Variants in EXOC4 observed in about 807,000 individuals in gnomAD.
The protein encoded by EXOC4 is exocyst complex component 4.
EXOC4 carries 71 observed loss-of-function variants against 107.2 expected under a neutral mutation model. That is an observed-to-expected ratio of 0.66 (90% CI 0.55 to 0.81). EXOC4 has a LOEUF of 0.81. EXOC4 is among the 30% of genes least tolerant of loss of function. The pLI, the probability that EXOC4 is intolerant of heterozygous loss-of-function variation, is 0.00. For missense variants in EXOC4, 1,108 were observed against 1,189.6 expected (o/e 0.93, Z 1.01); for synonymous variants, 456 against 441.2 (o/e 1.03, Z -0.42).
chr7:133,969,815 G>A (rs1413669346), intron 14 of EXOC4, among the ~76,000 whole-genome samples: 1 of 152,208 alleles, frequency 6.6e-6, no homozygotes, highest in Non-Finnish European at 1.5e-5. Flanking sequence ...AGACACGGGG[G>A]TCAGGGACTC....
At chr7:133,281,238 C>G (rs1185752018) in intron 2 of EXOC4, among the ~76,000 whole-genome samples, 2 of 151,748 alleles carry the variant, frequency 1.3e-5, no homozygotes, top group African/African-American at 2.4e-5. Flanking sequence ...TGCTTTCTAA[C>G]TAACCTGCAC....
chr7:133,843,655 C>CT (rs200637186), intron 11 of EXOC4, among the ~76,000 whole-genome samples: 74 of 151,212 alleles, frequency 4.9e-4, no homozygotes, highest in African/African-American at 8.5e-4. Context: ...GATGCCTTTT[C>CT]TTTTTTTTTG....
chr7:134,010,945 A>AT (rs145972239), intron 17 of EXOC4, among the ~76,000 whole-genome samples: 3,414 of 152,124 alleles, frequency 0.022, 131 homozygotes, highest in African/African-American at 0.077. Context: ...CTAATCTCTA[A>AT]ATGAGGGTAG....
chr7:133,682,910 C>A (rs1020481105), intron 10 of EXOC4, among the ~76,000 whole-genome samples: 1 of 152,180 alleles, frequency 6.6e-6, no homozygotes, highest in Non-Finnish European at 1.5e-5. Flanking sequence ...GCAGACATGG[C>A]AAAGGGATGT....
At chr7:133,526,754 G>A (rs924538378) in intron 9 of EXOC4, among the ~76,000 whole-genome samples, 1 of 151,868 alleles carries the variant, frequency 6.6e-6, no homozygotes, top group Non-Finnish European at 1.5e-5. Flanking sequence ...GGCAGATCAC[G>A]AGGTCAAGAG....
intron 14 of EXOC4, among the ~76,000 whole-genome samples, chr7:133,955,390 C>G (rs754598424): frequency 4.6e-5 from 7 of 152,150 alleles, no homozygotes; most frequent in Non-Finnish European, 7.3e-5. Flanking sequence ...GTGTTCAGCT[C>G]TCAGCAGAGA....
chr7:133,456,187 A>T (rs527796045), intron 7 of EXOC4, among the ~76,000 whole-genome samples: 112 of 152,322 alleles, frequency 7.4e-4, no homozygotes, highest in African/African-American at 2.4e-3. Context: ...ATCATTAATG[A>T]TCCTAATTTC....
At chr7:133,902,832 C>T (rs926319565) in intron 12 of EXOC4, among the ~76,000 whole-genome samples, 19 of 149,310 alleles carry the variant, frequency 1.3e-4, no homozygotes, top group African/African-American at 2.7e-4. Flanking sequence ...TCCAGCCTGG[C>T]GACAGAATGA....
chr7:133,379,909 A>G (rs544639808), intron 7 of EXOC4, among the ~76,000 whole-genome samples: 1 of 152,298 alleles, frequency 6.6e-6, no homozygotes, highest in South Asian at 2.1e-4. Context: ...TCCATCAGTT[A>G]TTAACAGGTG....
At chr7:133,556,195 T>C (rs1800687271) in intron 9 of EXOC4, among the ~76,000 whole-genome samples, 1 of 152,212 alleles carries the variant, frequency 6.6e-6, no homozygotes, top group South Asian at 2.1e-4. Flanking sequence ...CATGTTCAAA[T>C]AGGTTCTAAA....
chr7:133,336,414 A>T (rs562073170), intron 5 of EXOC4, among the ~76,000 whole-genome samples: 1 of 152,104 alleles, frequency 6.6e-6, no homozygotes, highest in Admixed American at 6.5e-5. Flanking sequence ...ATCTTGCCAA[A>T]TTCTCCCCCC....
intron 11 of EXOC4, among the ~76,000 whole-genome samples, chr7:133,850,059 T>TAG (rs1798209835): frequency 6.6e-6 from 1 of 152,224 alleles, no homozygotes; most frequent in South Asian, 2.1e-4. Flanking sequence ...TATTTTTCAG[T>TAG]AGAATGTCAA....
intron 17 of EXOC4, among the ~76,000 whole-genome samples, chr7:134,021,040 A>C (rs1795018148): frequency 6.6e-6 from 1 of 152,064 alleles, no homozygotes; most frequent in Non-Finnish European, 1.5e-5. Context: ...GGTCTCTTGC[A>C]GATTGGACTT....
At chr7:133,693,221 C>T (rs1015939516) in intron 10 of EXOC4, among the ~76,000 whole-genome samples, 2 of 152,138 alleles carry the variant, frequency 1.3e-5, no homozygotes, top group Non-Finnish European at 2.9e-5. Flanking sequence ...GCCAAAGGTC[C>T]GATAGCCCCT....
In EXOC4 at chr7:133,379,969, C is replaced by T. The variant is rs564879227; in HGVS notation, c.1182+4967C>T. The stretch of plus-strand genomic sequence containing the variant: ...TTTCTGGCATATTAAATGAGTTATA[C>T]GTTTCATACATGTAGTTTCAAATGA... On this transcript the variant is annotated intron_variant, in intron 7 of 17. Coordinates refer to ENST00000253861, the MANE Select transcript of EXOC4 (RefSeq NM_021807.4). Among the ~76,000 whole-genome samples the T allele has an allele frequency of 7.9e-5, 12 of 151,948 alleles. No homozygotes were observed. The South Asian group carries it at 1.3e-3, about 16-fold the overall frequency.
At chr7:133,964,795 T>C (rs966650254) in intron 14 of EXOC4, among the ~76,000 whole-genome samples, 1 of 152,168 alleles carries the variant, frequency 6.6e-6, no homozygotes, top group Admixed American at 6.5e-5. Context: ...AACATACATG[T>C]GCATGTATCT....
intron 11 of EXOC4, among the ~76,000 whole-genome samples, chr7:133,825,795 G>T (rs1290409357): frequency 6.6e-6 from 1 of 152,126 alleles, no homozygotes; most frequent in Non-Finnish European, 1.5e-5. Flanking sequence ...AGGTCTGCTG[G>T]AAGTCATTAT....
chr7:133,883,592 A>G (rs766986627), intron 11 of EXOC4, among the ~76,000 whole-genome samples: 2 of 151,996 alleles, frequency 1.3e-5, no homozygotes, highest in African/African-American at 2.4e-5. Context: ...GCAATGAGCT[A>G]TGATCACACT....
intron 9 of EXOC4, among the ~76,000 whole-genome samples, chr7:133,568,986 T>A (rs184137629): frequency 6.6e-6 from 1 of 152,146 alleles, no homozygotes; most frequent in Non-Finnish European, 1.5e-5. Flanking sequence ...TCTACTGATA[T>A]TTTTTAGCAA....
Sources: allele counts gnomAD v4.1 joint callset (sites outside exome capture counted in the v4.1 genomes callset), GRCh38; gene constraint gnomAD v4.1.1; transcripts MANE v1.5; gene names NCBI Gene and HGNC (gene_info 2026-07-23, HGNC 2026-07-21).